The following ANKRD55 variants were observed in gnomAD, a reference collection of about 807,000 sequenced individuals.
ANKRD55 encodes the protein ankyrin repeat domain-containing protein 55.
Under a neutral mutation model 60.6 loss-of-function variants are expected in ANKRD55, and 41 were observed. The ratio of observed to expected loss-of-function variants is 0.68; its 90% CI spans 0.53 to 0.88. The LOEUF is 0.88. ANKRD55 is among the 40% of genes least tolerant of loss of function. The pLI, the probability that ANKRD55 is intolerant of heterozygous loss-of-function variation, is 0.00. For synonymous variants in ANKRD55, 264 were observed against 290.3 expected, an observed-to-expected ratio of 0.91 and a Z score of 0.92; for missense variants, 732 against 767.6, an observed-to-expected ratio of 0.95 and a Z score of 0.55.
In ANKRD55 at chr5:56,183,435, A is replaced by T. The variant is rs879118832; in HGVS notation, c.181+77T>A. ...TGGCTGGTCAGATATACATTTATTA[A>T]CATTGCTCATGTCTGAAGGCCATCT... On this transcript the variant is annotated intron_variant, in intron 3 of 11. Coordinates refer to ENST00000341048, the MANE Select transcript of ANKRD55 (RefSeq NM_024669.3). The T allele has an allele frequency of 2.6e-5, 41 of 1,567,860 alleles. No individual in the cohort carries two copies. In the South Asian group the frequency reaches 4.7e-4, roughly 18 times the overall value.
chr5:56,186,942 G>A (rs1758987598), intron 2 of ANKRD55, among the ~76,000 whole-genome samples: 1 of 152,152 alleles, frequency 6.6e-6, no homozygotes, highest in African/African-American at 2.4e-5. Context: ...TTAACAGCCT[G>A]TTCATATGTT....
rs757836280 is a variant in ANKRD55, at chr5:56,183,586, G to C, written c.107C>G (p.Ser36Cys). Residue 36 changes from serine to cysteine, a missense_variant, in exon 3 of 12, where the codon TCT becomes TGT. By Grantham distance (112) the Ser-to-Cys change is moderately radical. Transcript: ENST00000341048. ...AGTCAGAGCATTGACATCTCCATTA[G>C]AGGCTGCTTGATAAACCATGGTCAG... is the stretch of plus-strand genomic sequence containing the variant. ...VDLTMVYQAASNGDVNALTAV... is the reference protein window; with the variant it reads ...VDLTMVYQAACNGDVNALTAV... The C allele has an allele frequency of 2.5e-6, 4 of 1,614,184 alleles. No individual in the cohort carries two copies. The South Asian group carries it at 3.3e-5, about 13-fold the overall frequency.
intron 2 of ANKRD55, among the ~76,000 whole-genome samples, chr5:56,214,528 A>G (rs1223291054): frequency 6.6e-6 from 1 of 152,234 alleles, no homozygotes; most frequent in Non-Finnish European, 1.5e-5. Context: ...ATCTTAACTT[A>G]CAAGGTAAGG....
At chr5:56,106,420 C>CTTTTTTTGTTTTTTTT (rs1756473740) in intron 10 of ANKRD55, among the ~76,000 whole-genome samples, 1 of 96,940 alleles carries the variant, frequency 1.0e-5, no homozygotes, top group Non-Finnish European at 1.8e-5. Context: ...GCTAGGAAAG[C>CTTTTTTTGTTTTTTTT]TTTTTTTTTT....
chr5:56,154,420 C>A (rs1399464639), intron 6 of ANKRD55, among the ~76,000 whole-genome samples: 1 of 152,050 alleles, frequency 6.6e-6, no homozygotes, highest in Non-Finnish European at 1.5e-5. Context: ...AAAAAGAAAG[C>A]CTGGGCTGTG....
chr5:56,222,574 C>T (rs1255602929), intron 2 of ANKRD55, among the ~76,000 whole-genome samples: 1 of 152,032 alleles, frequency 6.6e-6, no homozygotes. Context: ...GGAGGATGTT[C>T]GAACCCATCA....
At chr5:56,179,670 G>A (rs907990008) in intron 3 of ANKRD55, among the ~76,000 whole-genome samples, 4 of 152,182 alleles carry the variant, frequency 2.6e-5, no homozygotes, top group African/African-American at 9.7e-5. Flanking sequence ...TGCACTACAA[G>A]ATAAGGAGCA....
rs934397124 is a variant in ANKRD55, at chr5:56,125,544, T to C, written c.797+1378A>G. Reference sequence around the variant, plus strand: ...ATCCACCCATCTCGGCCTCTCAAAGTGCTGGGATTATAAGTGTGAGCCACC... The same window carrying C: ...ATCCACCCATCTCGGCCTCTCAAAGCGCTGGGATTATAAGTGTGAGCCACC... On this transcript the variant is annotated intron_variant, in intron 8 of 11. Coordinates refer to ENST00000341048, the MANE Select transcript of ANKRD55 (RefSeq NM_024669.3). 2.0e-5 allele frequency: 3 copies of C among 152,078 alleles called. No homozygotes were observed. The East Asian group carries it at 5.8e-4, about 29-fold the overall frequency. 9.4% of individuals were successfully genotyped at this position (152,078 alleles called of 1,614,324 possible).
At chr5:56,131,226 C>G (rs1306191684) in intron 7 of ANKRD55, among the ~76,000 whole-genome samples, 3 of 151,110 alleles carry the variant, frequency 2.0e-5, no homozygotes, top group Non-Finnish European at 4.4e-5. Flanking sequence ...TACAGAAAAC[C>G]AAAGATAAAG....
chr5:56,180,306 C>T (rs955966456), intron 3 of ANKRD55, among the ~76,000 whole-genome samples: 3 of 152,236 alleles, frequency 2.0e-5, no homozygotes, highest in Non-Finnish European at 2.9e-5. Flanking sequence ...GGAACACATT[C>T]GAACTATAGC....
intron 5 of ANKRD55, among the ~76,000 whole-genome samples, chr5:56,162,964 C>G (rs1006884628): frequency 1.1e-4 from 16 of 152,106 alleles, no homozygotes; most frequent in Non-Finnish European, 2.1e-4. Context: ...TCACCCTATC[C>G]AGCCTTGTTG....
chr5:56,189,078 G>T (rs113140797), intron 2 of ANKRD55, among the ~76,000 whole-genome samples: 24,024 of 151,906 alleles, frequency 0.16, 3,550 homozygotes, highest in African/African-American at 0.38. Flanking sequence ...GGTATGAATG[G>T]ACTTTAATCA....
chr5:56,166,142 C>CTTTCTTTT (rs1188541598), intron 5 of ANKRD55, among the ~76,000 whole-genome samples: 1 of 93,618 alleles, frequency 1.1e-5, no homozygotes. Context: ...TTCTTTCTTT[C>CTTTCTTTT]TTTCTTTCTT....
intron 8 of ANKRD55, among the ~76,000 whole-genome samples, chr5:56,120,942 G>A (rs1169237086): frequency 1.3e-5 from 2 of 150,190 alleles, no homozygotes; most frequent in Non-Finnish European, 3.0e-5. Flanking sequence ...AGAGCATAAA[G>A]GACCACTGGA....
In ANKRD55 at chr5:56,166,103, T is replaced by TTTC. The variant is rs1561277629; in HGVS notation, c.422+4588_422+4590dup. 1.1e-3 allele frequency among the ~76,000 whole-genome samples: 58 copies of TTTC among 50,810 alleles called. 1 individual carries two copies. Among genetic ancestry groups the TTTC allele is most frequent in the Non-Finnish European group, 1.5e-3 (35 of 23,758 alleles). 33.3% of individuals were successfully genotyped at this position (50,810 alleles called of 152,430 possible). ...TCTTTTCTTTTTCTTTCTTTCTTTC[T>TTTC]TTCTTTCTTTCTTTCTTTCTTTCTT... On this transcript the variant is annotated intron_variant, in intron 5 of 11. Transcript: ENST00000341048.
chr5:56,181,891 G>A (rs190209635), intron 3 of ANKRD55, among the ~76,000 whole-genome samples: 14 of 152,206 alleles, frequency 9.2e-5, no homozygotes, highest in East Asian at 1.9e-4. Context: ...CACCGTGTCC[G>A]GCCTATTTCT....
chr5:56,230,978 GTTA>G (rs34444988), intron 2 of ANKRD55, among the ~76,000 whole-genome samples: 72,035 of 151,738 alleles, frequency 0.47, 21,143 homozygotes, highest in East Asian at 0.86. Flanking sequence ...CTTTTTATAT[GTTA>G]TTATTTTAGA....
chr5:56,166,142 CTTTCTTTCTTTCTTCT>C (rs1758462235), intron 5 of ANKRD55, among the ~76,000 whole-genome samples: 1 of 93,616 alleles, frequency 1.1e-5, no homozygotes, highest in African/African-American at 7.0e-5. Context: ...TTCTTTCTTT[CTTTCTTTCTTTCTTCT>C]TTCCTTCCTT....
intron 3 of ANKRD55, among the ~76,000 whole-genome samples, chr5:56,178,233 A>G (rs1218944845): frequency 6.7e-6 from 1 of 149,800 alleles, no homozygotes; most frequent in African/African-American, 2.5e-5. Flanking sequence ...TCTGTTGCCC[A>G]GGCTGGAGTG....
Sources: gnomAD v4.1 joint callset for allele counts (sites outside exome capture counted in the v4.1 genomes callset) on GRCh38, gnomAD v4.1.1 for gene constraint, MANE v1.5 for transcripts, NCBI Gene and HGNC (gene_info 2026-07-23, HGNC 2026-07-21) for gene names.